The following COLEC12 variants were observed in gnomAD, a reference collection of about 807,000 sequenced individuals.
COLEC12 encodes collectin-12.
In COLEC12, 33 loss-of-function variants were observed where a neutral mutation model predicts 71.1. The ratio of observed to expected loss-of-function variants is 0.46; its 90% confidence interval spans 0.35 to 0.62. The LOEUF (loss-of-function observed/expected upper bound fraction) is 0.62. Among genes scored for constraint, COLEC12 ranks in the 20% least tolerant of loss-of-function variants. The probability of loss-of-function intolerance (pLI) is 0.00; values close to 1 mark genes in which losing one functional copy is unlikely to be tolerated. For missense variants in COLEC12, 765 were observed against 916.1 expected, an observed-to-expected ratio of 0.84 and a Z score of 2.13; for synonymous variants, 350 against 353.0, an observed-to-expected ratio of 0.99 and a Z score of 0.10.
At chr18:472,678 CAAAAAAAAAAAAAAAA>C (rs765169609) in intron 2 of COLEC12, among the ~76,000 whole-genome samples, 1 of 93,686 alleles carries the variant, frequency 1.1e-5, no homozygotes, top group African/African-American at 4.0e-5. Flanking sequence ...GGCCCTGTGA[CAAAAAAAAAAAAAAAA>C]AAAAAAAAAG....
At chr18:427,937 C>T (rs558308662) in intron 2 of COLEC12, among the ~76,000 whole-genome samples, 16 of 152,158 alleles carry the variant, frequency 1.1e-4, no homozygotes, top group East Asian at 3.9e-4. Flanking sequence ...ATTCTACACA[C>T]TCTGTTATTT....
intron 2 of COLEC12, among the ~76,000 whole-genome samples, chr18:385,327 T>C (rs920202478): frequency 4.1e-5 from 6 of 145,518 alleles, no homozygotes; most frequent in Admixed American, 2.1e-4. Flanking sequence ...TTTTTTTTTT[T>C]TTTTTTTTTT....
chr18:350,622 A>G (rs1162380995), intron 3 of COLEC12, among the ~76,000 whole-genome samples: 1 of 148,562 alleles, frequency 6.7e-6, no homozygotes, highest in Non-Finnish European at 1.5e-5. Context: ...TCTTAGTATC[A>G]ATAGCTTAAA....
intron 8 of COLEC12, among the ~76,000 whole-genome samples, chr18:330,863 C>T (rs73373505): frequency 0.011 from 1,528 of 144,072 alleles, 36 homozygotes; most frequent in African/African-American, 0.036. Flanking sequence ...AGGAAAATCA[C>T]ACATTTGTAG....
chr18:403,782 T>TG (rs1915733196), intron 2 of COLEC12, among the ~76,000 whole-genome samples: 1 of 151,658 alleles, frequency 6.6e-6, no homozygotes, highest in Non-Finnish European at 1.5e-5. Flanking sequence ...CTACAATATC[T>TG]CCATAGCCAA....
chr18:348,646 C>T (rs763000396), intron 3 of COLEC12, among the ~76,000 whole-genome samples: 12 of 152,134 alleles, frequency 7.9e-5, no homozygotes, highest in Admixed American at 2.6e-4. Context: ...TACACAAAAT[C>T]GGCATAGAAA....
chr18:396,658 G>A (rs551314221), intron 2 of COLEC12, among the ~76,000 whole-genome samples: 235 of 152,346 alleles, frequency 1.5e-3, no homozygotes, highest in African/African-American at 5.3e-3. Flanking sequence ...TTAGAAAAAC[G>A]TGTCCCCTCC....
intron 1 of COLEC12, among the ~76,000 whole-genome samples, chr18:492,281 A>G (rs1425603919): frequency 6.6e-6 from 1 of 152,226 alleles, no homozygotes; most frequent in Non-Finnish European, 1.5e-5. Flanking sequence ...GATGCTTGTA[A>G]AAATGGCAGA....
intron 2 of COLEC12, among the ~76,000 whole-genome samples, chr18:381,562 T>C (rs912754744): frequency 1.3e-5 from 2 of 152,240 alleles, no homozygotes; most frequent in Non-Finnish European, 2.9e-5. Flanking sequence ...TAAGTTGTTA[T>C]AACCTTTTTG....
intron 2 of COLEC12, among the ~76,000 whole-genome samples, chr18:394,327 A>G (rs772891566): frequency 6.6e-6 from 1 of 152,248 alleles, no homozygotes; most frequent in Non-Finnish European, 1.5e-5. Context: ...AAGATCAGCA[A>G]CCAATTATTT....
chr18:345,582 T>A (rs1914353026), intron 5 of COLEC12, among the ~76,000 whole-genome samples: 1 of 152,192 alleles, frequency 6.6e-6, no homozygotes, highest in Non-Finnish European at 1.5e-5. Flanking sequence ...TCTGTGTTAC[T>A]GTGATGGCCA....
chr18:469,206 T>C (rs547930817), intron 2 of COLEC12, among the ~76,000 whole-genome samples: 5 of 152,236 alleles, frequency 3.3e-5, no homozygotes, highest in Non-Finnish European at 4.4e-5. Context: ...TTGGAAACCA[T>C]TGAAGCTTTG....
chr18:484,293 CA>C (rs1917479505), intron 1 of COLEC12, among the ~76,000 whole-genome samples: 1 of 152,162 alleles, frequency 6.6e-6, no homozygotes, highest in Admixed American at 6.5e-5. Context: ...CTTCTACCTC[CA>C]AATTAACATG....
Position 400,307 on chromosome 18 carries a change from A to C in COLEC12, c.59-42785T>G, listed in dbSNP as rs142654581. The stretch of plus-strand genomic sequence containing the variant: ...GATAAGTAGATCCTTTCAGGCTGTC[A>C]TAGTTCAAGCTCTTGGAATGACCAG... On this transcript the variant is annotated intron_variant, in intron 2 of 9. Coordinates refer to ENST00000400256, the MANE Select transcript of COLEC12 (RefSeq NM_130386.3). Among the ~76,000 whole-genome samples, 3 of 152,304 alleles carry C rather than the reference A, an allele frequency of 2.0e-5. No individual in the cohort carries two copies. In the East Asian group the frequency reaches 5.8e-4, roughly 29 times the overall value.
intron 8 of COLEC12, among the ~76,000 whole-genome samples, chr18:324,389 G>C (rs1422798817): frequency 6.6e-6 from 1 of 152,174 alleles, no homozygotes; most frequent in Non-Finnish European, 1.5e-5. Context: ...TGTCACAGAA[G>C]TGAGCGGTAG....
chr18:493,528 C>T (rs770194400), intron 1 of COLEC12, among the ~76,000 whole-genome samples: 3 of 152,194 alleles, frequency 2.0e-5, no homozygotes, highest in Non-Finnish European at 4.4e-5. Context: ...ATTATCTGAA[C>T]CTCAAACAGG....
At chr18:491,763 G>T (rs1225051626) in intron 1 of COLEC12, among the ~76,000 whole-genome samples, 1 of 152,174 alleles carries the variant, frequency 6.6e-6, no homozygotes, top group Non-Finnish European at 1.5e-5. Context: ...GAAGTACCTG[G>T]TTGATATTGA....
At chr18:481,153 T>A (rs1917407881) in intron 1 of COLEC12, among the ~76,000 whole-genome samples, 1 of 152,118 alleles carries the variant, frequency 6.6e-6, no homozygotes, top group African/African-American at 2.4e-5. Context: ...CTCACAGAAA[T>A]AATCGACCGC....
intron 5 of COLEC12, among the ~76,000 whole-genome samples, chr18:336,611 T>C (rs1914124034): frequency 6.6e-6 from 1 of 152,136 alleles, no homozygotes; most frequent in Non-Finnish European, 1.5e-5. Context: ...AGAATTCTCA[T>C]TGCATAAATG....
Sources: allele counts gnomAD v4.1 joint callset (sites outside exome capture counted in the v4.1 genomes callset), GRCh38; gene constraint gnomAD v4.1.1; transcripts MANE v1.5; gene names NCBI Gene and HGNC (gene_info 2026-07-23, HGNC 2026-07-21).